The following ZNF316 variants were observed in gnomAD, a reference collection of about 807,000 sequenced individuals.
The protein encoded by ZNF316 is zinc finger protein 316.
ZNF316 carries 23 observed loss-of-function variants against 75.6 expected under a neutral mutation model. That is an observed-to-expected ratio of 0.30 (90% confidence interval 0.22 to 0.43). ZNF316 has a LOEUF of 0.43. Among genes scored for constraint, ZNF316 ranks in the 20% least tolerant of loss-of-function variants. The pLI, the probability that ZNF316 is intolerant of heterozygous loss-of-function variation, is 1.00. For synonymous variants in ZNF316, 827 were observed against 666.2 expected (o/e 1.24, Z -3.72); for missense variants, 1,266 against 1,409.4 (o/e 0.90, Z 1.63).
intron 8 of ZNF316, among the ~76,000 whole-genome samples, chr7:6,644,935 G>T (rs974310232): frequency 8.5e-5 from 13 of 152,230 alleles, no homozygotes; most frequent in Non-Finnish European, 2.9e-5. Context: ...CTTTCTGATG[G>T]CACAGTGCTA....
rs1008595351 is a variant in ZNF316, at chr7:6,655,633, A to G, written c.*1022A>G. 5 of 152,130 alleles carry G rather than the reference A, an allele frequency of 3.3e-5. No homozygotes were observed. The highest frequency in any genetic ancestry group is 1.2e-4 in the African/African-American group (5 of 41,402). 9.4% of individuals were successfully genotyped at this position (152,130 alleles called of 1,614,324 possible). On this transcript the variant is annotated 3_prime_UTR_variant, in exon 9 of 9. Coordinates refer to ENST00000382252, the MANE Select transcript of ZNF316 (RefSeq NM_001278559.2). ...GTCGAAGGATCTTTCCCCACATCCCATAATCAGGGCCCTAGGACACTCGCA... is the reference window on the plus strand; with the variant it reads ...GTCGAAGGATCTTTCCCCACATCCCGTAATCAGGGCCCTAGGACACTCGCA...
chr7:6,643,111 G>T, intron 6 of ZNF316, 38 bp downstream of exon 6: 2 of 1,232,658 alleles, frequency 1.6e-6, no homozygotes, highest in South Asian at 4.1e-5. Context: ...GGGTAACCTG[G>T]GCAGGGTTTC....
chr7:6,643,334 C>A (rs533001147), intron 6 of ZNF316, among the ~76,000 whole-genome samples: 13 of 152,228 alleles, frequency 8.5e-5, no homozygotes, highest in Non-Finnish European at 1.8e-4. Flanking sequence ...CTGTGCACAG[C>A]GACTTCAGAG....
Position 6,654,308 on chromosome 7 carries a change from G to T in ZNF316, c.2712G>T (p.Thr904=). 2.5e-6 allele frequency: 3 copies of T among 1,223,706 alleles called. No homozygotes were observed. The highest frequency in any genetic ancestry group is 3.1e-6 in the Non-Finnish European group (3 of 982,346). The allele number at this position is 1,223,706 out of a possible 1,614,324, so 75.8% of individuals were successfully genotyped here. The change falls in exon 9 of 9, where the codon ACG becomes ACT. Residue 904 remains threonine (T), a synonymous_variant. Coordinates refer to ENST00000382252, the MANE Select transcript of ZNF316 (RefSeq NM_001278559.2). ...KRFSQRSVLV[T]HQRTHTGERP... ...TTTCGCAGCGCTCGGTGCTGGTCACGCACCAGCGCACACATACGGGCGAGC... is the reference window on the plus strand; with the variant it reads ...TTTCGCAGCGCTCGGTGCTGGTCACTCACCAGCGCACACATACGGGCGAGC...
chr7:6,644,895 C>T (rs1001940552), intron 8 of ZNF316, among the ~76,000 whole-genome samples: 1 of 152,222 alleles, frequency 6.6e-6, no homozygotes. Flanking sequence ...CCAGGGCAGA[C>T]CCAGGAGCCC....
At chr7:6,644,739 A>C (rs1227262466) in intron 8 of ZNF316, 146 bp downstream of exon 8, 2 of 409,634 alleles carry the variant, frequency 4.9e-6, no homozygotes, top group African/African-American at 4.1e-5. Flanking sequence ...CTGGTGGTTC[A>C]AGTTCCAGAA....
intron 3 of ZNF316, among the ~76,000 whole-genome samples, chr7:6,641,454 A>G (rs1438037888): frequency 6.6e-6 from 1 of 152,188 alleles, no homozygotes; most frequent in Admixed American, 6.5e-5. Flanking sequence ...TTGGGACCCC[A>G]CAGGGGCTAG....
chr7:6,652,925 C>T lies in ZNF316; in HGVS notation c.1329C>T (p.Tyr443=). The change falls in exon 9 of 9, where the codon TAC becomes TAT. Residue 443 remains tyrosine (Y), a synonymous_variant. Coordinates refer to ENST00000382252, the MANE Select transcript of ZNF316 (RefSeq NM_001278559.2). ...GCGCGGGCTTCGGGCGCCGCTCCTA[C>T]CTGGTCACGCACCAGCGCACGCACA... ...FCGAGFGRRS[Y]LVTHQRTHTG... 2 of 1,243,634 alleles carry T rather than the reference C, an allele frequency of 1.6e-6. No individual in the cohort carries two copies. Among genetic ancestry groups the T allele is most frequent in the Non-Finnish European group, 1.0e-6 (1 of 993,276 alleles). The allele number at this position is 1,243,634 out of a possible 1,614,324, so 77.0% of individuals were successfully genotyped here.
In ZNF316 at chr7:6,656,929, A is replaced by C. The variant is rs549427326; in HGVS notation, c.*2318A>C. Among the ~76,000 whole-genome samples the C allele has an allele frequency of 5.9e-5, 9 of 152,300 alleles. No homozygotes were observed. Among genetic ancestry groups the C allele is most frequent in the Admixed American group, 5.9e-4 (9 of 15,300 alleles). On this transcript the variant is annotated 3_prime_UTR_variant, in exon 9 of 9. Transcript: ENST00000382252. The stretch of plus-strand genomic sequence containing the variant: ...TTATCACATGGTAGCCCACGATCAG[A>C]TCTGACTCTCCTGTCCTTTCTTTGT...
In ZNF316 at chr7:6,652,454, C is replaced by T. The variant is rs1377901729; in HGVS notation, c.858C>T (p.Asp286=). The change falls in exon 9 of 9, where the codon GAC becomes GAT. Residue 286 remains aspartate (D), a synonymous_variant. Transcript: ENST00000382252. ...ACGTGCCTGGGACGTGGGGGCCCGA[C>T]GACTCGGATTCGGCGCAGACTCCAG... ...VGDVPGTWGP[D]DSDSAQTPEG... is the part of the protein sequence containing the mutation. The T allele has an allele frequency of 6.5e-6, 8 of 1,231,770 alleles. No individual in the cohort carries two copies. Among genetic ancestry groups the T allele is most frequent in the Non-Finnish European group, 7.1e-6 (7 of 987,854 alleles). 76.3% of individuals were successfully genotyped at this position (1,231,770 alleles called of 1,614,324 possible).
At chr7:6,649,135 C>T (rs1261722828) in intron 8 of ZNF316, among the ~76,000 whole-genome samples, 1 of 152,178 alleles carries the variant, frequency 6.6e-6, no homozygotes. Context: ...AAGCTTCTCC[C>T]TCCCTAGACA....
chr7:6,657,739 C>T lies in ZNF316; in HGVS notation c.*3128C>T, dbSNP rs1329032300. ...GCGCACGTCTATAGTCCCAGCTACTCTGGAGGCTGAGCCTGGGAGGCAGAG... is the reference window on the plus strand; with the variant it reads ...GCGCACGTCTATAGTCCCAGCTACTTTGGAGGCTGAGCCTGGGAGGCAGAG... On this transcript the variant is annotated 3_prime_UTR_variant, in exon 9 of 9. Coordinates refer to ENST00000382252, the MANE Select transcript of ZNF316 (RefSeq NM_001278559.2). Among the ~76,000 whole-genome samples, 1 of 144,822 alleles carries T rather than the reference C, an allele frequency of 6.9e-6. No homozygotes were observed. Among genetic ancestry groups the T allele is most frequent in the Non-Finnish European group, 1.5e-5 (1 of 67,064 alleles).
Position 6,644,576 on chromosome 7 carries a change from T to C in ZNF316, c.689T>C (p.Val230Ala). Reference protein sequence around the residue: ...DSPRPEEGDIVTGVYTGAWFW... With the variant: ...DSPRPEEGDIATGVYTGAWFW... Reference sequence around the variant, plus strand: ...CCCCGACCTGAGGAAGGAGACATCGTCACTGGCGTCTACACAGGTGAGCGT... The same window carrying C: ...CCCCGACCTGAGGAAGGAGACATCGCCACTGGCGTCTACACAGGTGAGCGT... The change falls in exon 8 of 9, where the codon GTC becomes GCC. Residue 230 changes from valine to alanine, a missense_variant. By Grantham distance (64) the Val-to-Ala change is moderately conservative. Around this residue, in one of 3 missense-constraint regions of ZNF316, gnomAD observed 961 missense variants for 990.9 expected, o/e 0.97. Transcript: ENST00000382252. 1.6e-6 allele frequency: 2 copies of C among 1,232,164 alleles called. No individual in the cohort carries two copies. Among genetic ancestry groups the C allele is most frequent in the Non-Finnish European group, 2.0e-6 (2 of 987,880 alleles). The allele number at this position is 1,232,164 out of a possible 1,614,324, so 76.3% of individuals were successfully genotyped here.
chr7:6,654,625 G>T lies in ZNF316; in HGVS notation c.*14G>T. 1 of 1,183,756 alleles carries T rather than the reference G, an allele frequency of 8.4e-7. No individual in the cohort carries two copies. The highest frequency in any genetic ancestry group is 4.2e-5 in the South Asian group (1 of 23,888). The allele number at this position is 1,183,756 out of a possible 1,614,324, so 73.3% of individuals were successfully genotyped here. A position where few individuals can be genotyped will look rare whatever the true frequency, so the allele number is the denominator to read the frequency against. On this transcript the variant is annotated 3_prime_UTR_variant, in exon 9 of 9. Coordinates refer to ENST00000382252, the MANE Select transcript of ZNF316 (RefSeq NM_001278559.2). ...GGCGTCCTGTGAGGGGCCCGGGGCC[G>T]ACAGCAGCGCAGCCTGCAGGGCCAC... is the stretch of plus-strand genomic sequence containing the variant.
rs558169781 is a variant in ZNF316 at position 6,644,367 on chromosome 7, C to A, written c.593-113C>A. The A allele has an allele frequency of 8.1e-6, 4 of 496,016 alleles. No homozygotes were observed. In the East Asian group the frequency reaches 1.4e-4, roughly 18 times the overall value. 30.7% of individuals were successfully genotyped at this position (496,016 alleles called of 1,614,324 possible). A position where few individuals can be genotyped will look rare whatever the true frequency, so the allele number is the denominator to read the frequency against. On this transcript the variant is annotated intron_variant, in intron 7 of 8. Coordinates refer to ENST00000382252, the MANE Select transcript of ZNF316 (RefSeq NM_001278559.2). ...CCTCCAGAGCAGGGGTGTGGGAGGG[C>A]TGGTGCTGGGAAGATGGAGGTGGAG...
Position 6,658,236 on chromosome 7 carries a change from T to C in ZNF316, c.*3625T>C, listed in dbSNP as rs1463845233. On this transcript the variant is annotated 3_prime_UTR_variant, in exon 9 of 9. Coordinates refer to ENST00000382252, the MANE Select transcript of ZNF316 (RefSeq NM_001278559.2). The stretch of plus-strand genomic sequence containing the variant: ...TGGCTACATATGGAATAAAGTATTT[T>C]GAATTACTGGGTTATATCTATTAAA... Among the ~76,000 whole-genome samples the C allele has an allele frequency of 2.0e-5, 3 of 152,220 alleles. No individual in the cohort carries two copies. The highest frequency in any genetic ancestry group is 7.2e-5 in the African/African-American group (3 of 41,464).
At position 6,637,372 on chromosome 7, in the gene ZNF316, A is replaced by C. The variant is rs1391810109; in HGVS notation, c.-506A>C. ...CAGCTCCCGGGCCGTCACTTTGTGT[A>C]GCGCGGGGTCCGCCGCCGGCCCGCA... On this transcript the variant is annotated 5_prime_UTR_variant, in exon 1 of 9. Transcript: ENST00000382252. This position sits in a 1 kb window ranked among gnomAD's most constrained non-coding sequence, Gnocchi z 6.2. The C allele has an allele frequency of 6.8e-6, 1 of 147,986 alleles. No individual in the cohort carries two copies. The highest frequency in any genetic ancestry group is 1.5e-5 in the Non-Finnish European group (1 of 66,558). The allele number at this position is 147,986 out of a possible 1,614,324, so 9.2% of individuals were successfully genotyped here.
In ZNF316 at chr7:6,652,669, C is replaced by T; in HGVS notation, c.1073C>T (p.Ser358Leu). The T allele has an allele frequency of 3.2e-6, 4 of 1,232,684 alleles. No individual in the cohort carries two copies. The highest frequency in any genetic ancestry group is 4.0e-6 in the Non-Finnish European group (4 of 988,132). The allele number at this position is 1,232,684 out of a possible 1,614,324, so 76.4% of individuals were successfully genotyped here. Residue 358 changes from serine to leucine, a missense_variant, in exon 9 of 9, where the codon TCG (serine) becomes TTG (leucine). Coordinates refer to ENST00000382252, the MANE Select transcript of ZNF316 (RefSeq NM_001278559.2). ...DVCGKVFPHR[S>L]RLAKHQRYHA... is the part of the protein sequence containing the mutation. ...TGCGGCAAGGTCTTCCCGCACCGCT[C>T]GCGGCTGGCCAAGCACCAGCGCTAC...
In ZNF316 at chr7:6,653,567, G is replaced by GGCCGCGGGCGGCGGA. The variant is rs1324901170; in HGVS notation, c.1973_1987dup (p.Ala658_Gly662dup). ...CGTGCGACCCTTTCGGCGGCGGCGG[G>GGCCGCGGGCGGCGGA]GCCGCGGGCGGCGGAGGCGGCCTGC... On this transcript the variant is annotated inframe_insertion, in exon 9 of 9. Transcript: ENST00000382252. The GGCCGCGGGCGGCGGA allele has an allele frequency of 1.4e-4, 151 of 1,115,810 alleles. No individual in the cohort carries two copies. The highest frequency in any genetic ancestry group is 1.5e-4 in the Non-Finnish European group (135 of 913,376). The allele number at this position is 1,115,810 out of a possible 1,614,324, so 69.1% of individuals were successfully genotyped here. A position where few individuals can be genotyped will look rare whatever the true frequency, so the allele number is the denominator to read the frequency against.
Sources: gnomAD v4.1 joint callset for allele counts (sites outside exome capture counted in the v4.1 genomes callset) on GRCh38, gnomAD v4.1.1 for gene constraint, gnomAD v4.1.1 regional missense constraint, Gnocchi (gnomAD v3.1) non-coding constraint, MANE v1.5 for transcripts, NCBI Gene and HGNC (gene_info 2026-07-23, HGNC 2026-07-21) for gene names.